The following GSTO1 variants were observed in gnomAD, a reference collection of about 807,000 sequenced individuals.
GSTO1 encodes glutathione S-transferase omega-1.
Under a neutral mutation model 23.8 loss-of-function variants are expected in GSTO1, and 27 were observed. The observed-to-expected ratio is 1.13, with a 90% CI of 0.83 to 1.56. The LOEUF (loss-of-function observed/expected upper bound fraction) is 1.56, where lower values mean the gene tolerates loss of function less well. Ranked by LOEUF, GSTO1 falls within the 40% of genes most tolerant of loss-of-function variation. The probability of loss-of-function intolerance (pLI) is 0.00; values close to 1 mark genes in which losing one functional copy is unlikely to be tolerated. For synonymous variants in GSTO1, 105 were observed against 109.3 expected (o/e 0.96, Z 0.25); for missense variants, 255 against 285.8 (o/e 0.89, Z 0.78).
chr10:104,261,870 C>T (rs547301023), intron 3 of GSTO1, among the ~76,000 whole-genome samples: 1 of 152,340 alleles, frequency 6.6e-6, no homozygotes, highest in South Asian at 2.1e-4. Context: ...AACACATAAA[C>T]ACCATCACGA....
chr10:104,260,145 C>A (rs889156172), intron 3 of GSTO1, among the ~76,000 whole-genome samples: 1 of 152,212 alleles, frequency 6.6e-6, no homozygotes, highest in African/African-American at 2.4e-5. Flanking sequence ...TCCGACACTG[C>A]TGCCTTTTCA....
At chr10:104,261,518 T>C (rs2011139591) in intron 3 of GSTO1, among the ~76,000 whole-genome samples, 1 of 149,508 alleles carries the variant, frequency 6.7e-6, no homozygotes, top group African/African-American at 2.6e-5. Flanking sequence ...CAACTAAGCG[T>C]TGGGGCTCAA....
chr10:104,267,177 A>G (rs1490869783), intron 5 of GSTO1, 75 bp from the exon 6 acceptor site: 3 of 879,670 alleles, frequency 3.4e-6, no homozygotes, highest in Non-Finnish European at 1.8e-6. Flanking sequence ...TAGAGTAATA[A>G]TTACATATGG....
At chr10:104,257,828 C>T (rs1157755993) in intron 2 of GSTO1, among the ~76,000 whole-genome samples, 2 of 152,108 alleles carry the variant, frequency 1.3e-5, no homozygotes, top group East Asian at 3.8e-4. Context: ...ATCTTATTGA[C>T]AATTTTGAAG....
At chr10:104,266,630 G>A (rs1410515826) in intron 5 of GSTO1, among the ~76,000 whole-genome samples, 3 of 152,008 alleles carry the variant, frequency 2.0e-5, no homozygotes, top group Admixed American at 6.5e-5. Context: ...TCAGCTACTC[G>A]GGAGGCTGAG....
upstream of GSTO1, chr10:104,254,698 C>G: frequency 1.7e-6 from 1 of 599,002 alleles, no homozygotes; most frequent in Middle Eastern, 4.0e-4. Context: ...GTGTATCTCC[C>G]CGTGGGTGCA....
At chr10:104,264,934 C>G (rs1589846849) in intron 4 of GSTO1, among the ~76,000 whole-genome samples, 4 of 152,334 alleles carry the variant, frequency 2.6e-5, no homozygotes, top group African/African-American at 9.6e-5. Flanking sequence ...GTTGTTTACT[C>G]TCTTGATGGT....
chr10:104,256,820 ATAG>A (rs968277617), intron 2 of GSTO1, among the ~76,000 whole-genome samples: 3 of 151,440 alleles, frequency 2.0e-5, no homozygotes, highest in African/African-American at 7.3e-5. Context: ...TTTTGTTTTC[ATAG>A]TAACAAAAGT....
chr10:104,261,117 G>A (rs1335415309), intron 3 of GSTO1, among the ~76,000 whole-genome samples: 1 of 152,140 alleles, frequency 6.6e-6, no homozygotes, highest in Non-Finnish European at 1.5e-5. Context: ...AGAGATAAAA[G>A]GGGTAACTTT....
chr10:104,260,327 C>T (rs546588902), intron 3 of GSTO1, among the ~76,000 whole-genome samples: 25 of 152,272 alleles, frequency 1.6e-4, no homozygotes, highest in Middle Eastern at 6.8e-3. Flanking sequence ...CTGCTACTTT[C>T]TTGTGACTCT....
Position 104,259,837 on chromosome 10 carries a change from C to T in GSTO1, c.366+39C>T, listed in dbSNP as rs139848145. On this transcript the variant is annotated intron_variant, in intron 3 of 5. Transcript: ENST00000369713. ...AAATTTCAGCTCCTATTTGAAAAACCTGTTTTTTAAAGCGAAATCAGTGCT... is the reference window on the plus strand; with the variant it reads ...AAATTTCAGCTCCTATTTGAAAAACTTGTTTTTTAAAGCGAAATCAGTGCT... The T allele has an allele frequency of 2.0e-5, 28 of 1,416,154 alleles. No individual in the cohort carries two copies. The East Asian group carries it at 6.1e-4, about 31-fold the overall frequency. 87.7% of individuals were successfully genotyped at this position (1,416,154 alleles called of 1,614,324 possible).
chr10:104,259,408 T>C (rs2011117133), intron 2 of GSTO1, among the ~76,000 whole-genome samples, 168 bp from the exon 3 acceptor site: 1 of 152,180 alleles, frequency 6.6e-6, no homozygotes, highest in African/African-American at 2.4e-5. Flanking sequence ...TTAAAAGGTG[T>C]ATCAAAAGTA....
chr10:104,260,406 C>A (rs1399944010), intron 3 of GSTO1, among the ~76,000 whole-genome samples: 4 of 152,160 alleles, frequency 2.6e-5, no homozygotes, highest in African/African-American at 9.7e-5. Flanking sequence ...TTGTTCCCAC[C>A]TCATAAGATA....
chr10:104,264,539 T>C (rs919630145), intron 4 of GSTO1, among the ~76,000 whole-genome samples: 1 of 152,230 alleles, frequency 6.6e-6, no homozygotes, highest in Non-Finnish European at 1.5e-5. Flanking sequence ...CCAATTCGCC[T>C]TCTTAAAATT....
intron 1 of GSTO1, 91 bp from the exon 2 acceptor site, chr10:104,255,072 G>A (rs1300115585): frequency 2.1e-6 from 3 of 1,435,884 alleles, no homozygotes; most frequent in Non-Finnish European, 2.9e-6. Context: ...GCGGGGAACG[G>A]GTCGGAGCTG....
At chr10:104,266,315 G>C (rs2011182585) in intron 5 of GSTO1, 125 bp downstream of exon 5, 3 of 586,392 alleles carry the variant, frequency 5.1e-6, no homozygotes, top group Admixed American at 5.2e-5. Flanking sequence ...AAGCAGACAG[G>C]GGAATCTTGG....
At chr10:104,258,456 C>G (rs1399154895) in intron 2 of GSTO1, among the ~76,000 whole-genome samples, 5 of 152,152 alleles carry the variant, frequency 3.3e-5, no homozygotes, top group Admixed American at 6.5e-5. Context: ...AAAAGGCAAC[C>G]TATGGAATAG....
chr10:104,258,831 G>A (rs545370395), intron 2 of GSTO1, among the ~76,000 whole-genome samples: 1 of 152,168 alleles, frequency 6.6e-6, no homozygotes, highest in Non-Finnish European at 1.5e-5. Context: ...CTGGGAGACA[G>A]AGTGTCAAAA....
At position 104,255,346 on chromosome 10, in the gene GSTO1, C is replaced by T; in HGVS notation, c.143+75C>T. The T allele has an allele frequency of 5.5e-6, 5 of 915,776 alleles. No individual in the cohort carries two copies. The Admixed American group carries it at 5.6e-5, about 10-fold the overall frequency. The allele number at this position is 915,776 out of a possible 1,614,324, so 56.7% of individuals were successfully genotyped here. ...CAGGCGGCGGGGTGGGGTGGGGTCT[C>T]AGCCCCCTTCTACCCCCCTCCCACC... On this transcript the variant is annotated intron_variant, in intron 2 of 5. Coordinates refer to ENST00000369713, the MANE Select transcript of GSTO1 (RefSeq NM_004832.3).
Sources: allele counts gnomAD v4.1 joint callset (sites outside exome capture counted in the v4.1 genomes callset), GRCh38; gene constraint gnomAD v4.1.1; transcripts MANE v1.5; gene names NCBI Gene and HGNC (gene_info 2026-07-23, HGNC 2026-07-21).